NAALADL2: variants seen among roughly 807,000 people sequenced by gnomAD.
NAALADL2 encodes the protein inactive N-acetylated-alpha-linked acidic dipeptidase-like protein 2.
Under a neutral mutation model 87.2 loss-of-function variants are expected in NAALADL2, and 76 were observed. The observed-to-expected ratio is 0.87, with a 90% CI of 0.72 to 1.05. The LOEUF (loss-of-function observed/expected upper bound fraction) is 1.05, where lower values mean the gene tolerates loss of function less well. Among genes scored for constraint, NAALADL2 ranks in the 50% least tolerant of loss-of-function variants. NAALADL2 has a pLI of 0.00. For missense variants in NAALADL2, 1,089 were observed against 945.8 expected (o/e 1.15, Z -1.99); for synonymous variants, 354 against 331.0 (o/e 1.07, Z -0.75).
At position 175,537,223 on chromosome 3, in the gene NAALADL2, T is replaced by C. The variant is rs1734939076; in HGVS notation, c.1654-38818T>C. 2.0e-5 allele frequency among the ~76,000 whole-genome samples: 3 copies of C among 152,192 alleles called. No homozygotes were observed. The South Asian group carries it at 6.2e-4, about 31-fold the overall frequency. On this transcript the variant is annotated intron_variant, in intron 9 of 13. Transcript: ENST00000454872. ...TGTCTGATTCTAAATTCATGTGCCTTTTTTGAATACTGCCGCTTCTCAAAA... is the reference window on the plus strand; with the variant it reads ...TGTCTGATTCTAAATTCATGTGCCTCTTTTGAATACTGCCGCTTCTCAAAA...
chr3:174,487,959 T>A (rs1311976992), intron 1 of NAALADL2, among the ~76,000 whole-genome samples: 1 of 151,980 alleles, frequency 6.6e-6, no homozygotes, highest in African/African-American at 2.4e-5. Flanking sequence ...AAGATTAGTT[T>A]GGAAGACATT....
chr3:175,135,677 C>G (rs942501351), intron 2 of NAALADL2, among the ~76,000 whole-genome samples: 1 of 152,122 alleles, frequency 6.6e-6, no homozygotes, highest in Non-Finnish European at 1.5e-5. Context: ...TACTACCTTT[C>G]AGAACAGAGC....
intron 11 of NAALADL2, among the ~76,000 whole-genome samples, chr3:175,698,389 A>G (rs191628252): frequency 0.015 from 1,598 of 104,812 alleles, 98 homozygotes; most frequent in East Asian, 0.032. Context: ...TTATGTATGT[A>G]TACATATGTA....
At chr3:175,250,856 A>G (rs1364029575) in intron 3 of NAALADL2, among the ~76,000 whole-genome samples, 1 of 152,210 alleles carries the variant, frequency 6.6e-6, no homozygotes, top group South Asian at 2.1e-4. Context: ...TCTGTTTTAC[A>G]AGTCTGAAGC....
At chr3:174,976,711 A>G (rs1744405690) in intron 1 of NAALADL2, among the ~76,000 whole-genome samples, 1 of 152,244 alleles carries the variant, frequency 6.6e-6, no homozygotes, top group Non-Finnish European at 1.5e-5. Flanking sequence ...ACAGCATGTC[A>G]GGAGAATAGT....
At chr3:175,105,258 A>G (rs1722897273) in intron 2 of NAALADL2, among the ~76,000 whole-genome samples, 1 of 152,042 alleles carries the variant, frequency 6.6e-6, no homozygotes, top group South Asian at 2.1e-4. Flanking sequence ...TTCACAGTGG[A>G]GAAAGAACTA....
chr3:174,601,625 G>C (rs545935145), intron 2 of NAALADL2, among the ~76,000 whole-genome samples: 4 of 152,014 alleles, frequency 2.6e-5, no homozygotes, highest in Non-Finnish European at 5.9e-5. Context: ...TGTATCCTTT[G>C]CTATGCAGAA....
chr3:175,283,426 TG>T (rs1263769817), intron 4 of NAALADL2, among the ~76,000 whole-genome samples: 1 of 152,116 alleles, frequency 6.6e-6, no homozygotes, highest in East Asian at 1.9e-4. Flanking sequence ...AAAATGTTTT[TG>T]TTCTGTTAGC....
At chr3:175,057,808 T>C (rs1048804331) in intron 1 of NAALADL2, among the ~76,000 whole-genome samples, 1 of 152,202 alleles carries the variant, frequency 6.6e-6, no homozygotes, top group Non-Finnish European at 1.5e-5. Flanking sequence ...GGACTTTCCA[T>C]AGTTAATTGA....
intron 11 of NAALADL2, among the ~76,000 whole-genome samples, chr3:175,629,913 A>C (rs59272023): frequency 0.26 from 39,383 of 151,676 alleles, 5,788 homozygotes; most frequent in African/African-American, 0.41. Flanking sequence ...CGTGTGTTTT[A>C]AAATCTGTTT....
chr3:175,315,298 G>T (rs1378829863), intron 4 of NAALADL2, among the ~76,000 whole-genome samples: 3 of 152,120 alleles, frequency 2.0e-5, no homozygotes, highest in African/African-American at 7.2e-5. Context: ...AGCACTTAGT[G>T]ATTCTTTGAG....
chr3:175,332,034 C>T (rs969389021), intron 5 of NAALADL2, among the ~76,000 whole-genome samples: 11 of 152,042 alleles, frequency 7.2e-5, no homozygotes, highest in African/African-American at 2.2e-4. Context: ...AAATTAAAGA[C>T]CTCAACAAAG....
intron 2 of NAALADL2, among the ~76,000 whole-genome samples, chr3:174,663,689 A>G (rs1725706625): frequency 6.6e-6 from 1 of 152,072 alleles, no homozygotes; most frequent in African/African-American, 2.4e-5. Context: ...CATCTTTAGC[A>G]TTGGGGATCA....
chr3:174,808,284 G>A (rs1331278832), intron 3 of NAALADL2, among the ~76,000 whole-genome samples: 2 of 151,846 alleles, frequency 1.3e-5, no homozygotes, highest in African/African-American at 4.8e-5. Context: ...TTTAAACAAG[G>A]CCTCCCTATA....
At chr3:174,557,994 GA>G (rs1404445267) in intron 2 of NAALADL2, among the ~76,000 whole-genome samples, 3 of 152,102 alleles carry the variant, frequency 2.0e-5, no homozygotes, top group Admixed American at 1.3e-4. Context: ...TTTTACTGGG[GA>G]GTGGTCAGGG....
intron 9 of NAALADL2, among the ~76,000 whole-genome samples, chr3:175,493,299 T>C (rs764842000): frequency 2.6e-5 from 4 of 152,152 alleles, no homozygotes; most frequent in Non-Finnish European, 5.9e-5. Context: ...AGCCACTCTT[T>C]CTAGCAACCT....
At chr3:174,590,820 A>T (rs551346981) in intron 2 of NAALADL2, among the ~76,000 whole-genome samples, 1 of 152,278 alleles carries the variant, frequency 6.6e-6, no homozygotes, top group South Asian at 2.1e-4. Flanking sequence ...ATGCATGGAA[A>T]CTTTTGTTAC....
intron 4 of NAALADL2, among the ~76,000 whole-genome samples, chr3:175,285,530 T>C (rs78186046): frequency 0.033 from 5,031 of 152,270 alleles, 287 homozygotes; most frequent in African/African-American, 0.11. Flanking sequence ...TTTGACCTGA[T>C]AGTGTGACTC....
At chr3:174,474,384 T>G (rs1717091928) in intron 1 of NAALADL2, among the ~76,000 whole-genome samples, 1 of 152,170 alleles carries the variant, frequency 6.6e-6, no homozygotes, top group Non-Finnish European at 1.5e-5. Flanking sequence ...GAATGAAACA[T>G]TCTCATGTCA....
Sources: gnomAD v4.1 joint callset for allele counts (sites outside exome capture counted in the v4.1 genomes callset) on GRCh38, gnomAD v4.1.1 for gene constraint, MANE v1.5 for transcripts, NCBI Gene and HGNC (gene_info 2026-07-23, HGNC 2026-07-21) for gene names.